RSRC1: variants seen among roughly 807,000 people sequenced by gnomAD.
RSRC1 encodes the protein arginine and serine rich coiled-coil 1, also known as serine/Arginine-related protein 53.
A neutral mutation model predicts 49.1 loss-of-function variants in RSRC1; 39 were observed. The observed-to-expected ratio is 0.79, with a 90% CI of 0.61 to 1.04. The LOEUF is 1.04. Among genes scored for constraint, RSRC1 ranks in the 50% least tolerant of loss-of-function variants. RSRC1 has a pLI of 0.00. For synonymous variants in RSRC1, 143 were observed against 130.8 expected (o/e 1.09, Z -0.63); for missense variants, 388 against 402.4 (o/e 0.96, Z 0.31).
At chr3:158,353,396 A>C (rs1730981644) in intron 5 of RSRC1, among the ~76,000 whole-genome samples, 1 of 152,196 alleles carries the variant, frequency 6.6e-6, no homozygotes, top group Non-Finnish European at 1.5e-5. Flanking sequence ...GCTGATCCTA[A>C]GATTCCTGCT....
intron 6 of RSRC1, among the ~76,000 whole-genome samples, chr3:158,434,604 C>T (rs1735946519): frequency 6.6e-6 from 1 of 151,846 alleles, no homozygotes; most frequent in South Asian, 2.1e-4. Flanking sequence ...ATTCTTTTTG[C>T]GCCACCTAGC....
At chr3:158,121,258 GATT>G (rs1175634493) in intron 1 of RSRC1, among the ~76,000 whole-genome samples, 13 of 151,812 alleles carry the variant, frequency 8.6e-5, no homozygotes, top group African/African-American at 2.9e-4. Flanking sequence ...AACATTTTTA[GATT>G]ATTATTACTC....
intron 6 of RSRC1, among the ~76,000 whole-genome samples, chr3:158,374,759 A>C (rs1732263417): frequency 6.6e-6 from 1 of 151,906 alleles, no homozygotes; most frequent in Admixed American, 6.6e-5. Flanking sequence ...GGTCATTTTG[A>C]ATTTTGAATT....
intron 5 of RSRC1, among the ~76,000 whole-genome samples, chr3:158,304,490 C>T (rs781496153): frequency 2.0e-5 from 3 of 152,042 alleles, no homozygotes; most frequent in Non-Finnish European, 4.4e-5. Context: ...TCGTCTGTAG[C>T]ATTTTAAATA....
intron 3 of RSRC1, among the ~76,000 whole-genome samples, chr3:158,187,187 A>G (rs1248063723): frequency 6.6e-6 from 1 of 152,010 alleles, no homozygotes; most frequent in African/African-American, 2.4e-5. Flanking sequence ...AAAAATATCC[A>G]AAACACCAAA....
chr3:158,221,976 G>C lies in RSRC1; in HGVS notation c.494+18731G>C, dbSNP rs73879821. 3.3e-3 allele frequency among the ~76,000 whole-genome samples: 499 copies of C among 151,552 alleles called. 5 individuals are homozygous for C. The highest frequency in any genetic ancestry group is 0.012 in the African/African-American group (486 of 41,462). ...GATATGCTTGTGTACAAATGTTTTG[G>C]AAAACTGATGACAGTATTATTATAT... is the stretch of plus-strand genomic sequence containing the variant. On this transcript the variant is annotated intron_variant, in intron 4 of 9. Transcript: ENST00000611884.
intron 6 of RSRC1, among the ~76,000 whole-genome samples, chr3:158,381,027 G>A (rs1732668942): frequency 6.6e-6 from 1 of 152,064 alleles, no homozygotes; most frequent in African/African-American, 2.4e-5. Context: ...CTGTAACCTA[G>A]AGGTATTGTG....
At chr3:158,517,563 T>C (rs1006371792) in intron 7 of RSRC1, among the ~76,000 whole-genome samples, 3 of 151,530 alleles carry the variant, frequency 2.0e-5, no homozygotes, top group Non-Finnish European at 2.9e-5. Context: ...TTTATTTTGT[T>C]TCAACTTCAA....
At chr3:158,411,510 C>CT (rs57004919) in intron 6 of RSRC1, among the ~76,000 whole-genome samples, 44,363 of 149,444 alleles carry the variant, frequency 0.3, 7,689 homozygotes, top group African/African-American at 0.49. Flanking sequence ...TCTACTTTCT[C>CT]TTTTTTTTTT....
intron 3 of RSRC1, among the ~76,000 whole-genome samples, chr3:158,142,194 CTAT>C (rs1291138282): frequency 7.9e-5 from 12 of 152,136 alleles, no homozygotes; most frequent in Non-Finnish European, 1.3e-4. Context: ...TCCATTAAAT[CTAT>C]TATATTATGC....
intron 6 of RSRC1, among the ~76,000 whole-genome samples, chr3:158,443,483 G>C (rs1426430215): frequency 6.6e-6 from 1 of 152,116 alleles, no homozygotes; most frequent in East Asian, 1.9e-4. Flanking sequence ...CTTTTCTTCA[G>C]CAGCTTCCTC....
chr3:158,460,029 T>G (rs1302047143), intron 6 of RSRC1, among the ~76,000 whole-genome samples: 1 of 151,966 alleles, frequency 6.6e-6, no homozygotes, highest in Non-Finnish European at 1.5e-5. Context: ...GAAGGTTTAT[T>G]TTTTAAATCA....
At chr3:158,132,369 C>A in intron 3 of RSRC1, 1 of 154,936 alleles carries the variant, frequency 6.5e-6, no homozygotes. Context: ...AGTAGTTTAA[C>A]AGACTTTTAA....
chr3:158,241,576 A>C (rs966463884), intron 4 of RSRC1, among the ~76,000 whole-genome samples: 2 of 152,008 alleles, frequency 1.3e-5, no homozygotes, highest in Non-Finnish European at 2.9e-5. Flanking sequence ...TTAAAATGCT[A>C]GTGGACTAAT....
At chr3:158,289,982 AGACT>A (rs2108100608) in intron 4 of RSRC1, among the ~76,000 whole-genome samples, 2 of 151,278 alleles carry the variant, frequency 1.3e-5, no homozygotes, top group South Asian at 4.2e-4. Flanking sequence ...TTTGAAAATG[AGACT>A]GACTTTCATT....
chr3:158,201,122 A>G (rs1318941605), intron 3 of RSRC1, among the ~76,000 whole-genome samples: 2 of 152,130 alleles, frequency 1.3e-5, no homozygotes, highest in Admixed American at 6.5e-5. Flanking sequence ...TTTGCTGGGT[A>G]TAAAATTCTA....
At chr3:158,323,436 A>G (rs1035747766) in intron 5 of RSRC1, among the ~76,000 whole-genome samples, 1 of 152,148 alleles carries the variant, frequency 6.6e-6, no homozygotes, top group Non-Finnish European at 1.5e-5. Flanking sequence ...CGGACTTCCA[A>G]TCTTCATCTG....
chr3:158,321,040 T>G (rs1728724940), intron 5 of RSRC1, among the ~76,000 whole-genome samples: 1 of 151,804 alleles, frequency 6.6e-6, no homozygotes, highest in African/African-American at 2.4e-5. Context: ...ATATAAGTAC[T>G]TTTTTTTAAA....
intron 4 of RSRC1, among the ~76,000 whole-genome samples, chr3:158,205,901 G>A (rs548872395): frequency 6.6e-6 from 1 of 152,150 alleles, no homozygotes; most frequent in South Asian, 2.1e-4. Flanking sequence ...AGCTGTCCTG[G>A]GCTGCATGTG....
Sources: gnomAD v4.1 joint callset for allele counts (sites outside exome capture counted in the v4.1 genomes callset) on GRCh38, gnomAD v4.1.1 for gene constraint, MANE v1.5 for transcripts, NCBI Gene and HGNC (gene_info 2026-07-23, HGNC 2026-07-21) for gene names.